The following ZYG11B variants were observed in gnomAD, a reference collection of about 807,000 sequenced individuals.
The protein encoded by ZYG11B is protein zyg-11 homolog B.
ZYG11B carries 36 observed loss-of-function variants against 82.4 expected under a neutral mutation model. The ratio of observed to expected loss-of-function variants is 0.44; its 90% CI spans 0.33 to 0.58. ZYG11B has a LOEUF of 0.58. ZYG11B is among the 20% of genes least tolerant of loss of function. ZYG11B has a pLI of 0.02. For missense variants in ZYG11B, 552 were observed against 895.6 expected (o/e 0.62, Z 4.90); for synonymous variants, 303 against 312.8 (o/e 0.97, Z 0.33).
intron 1 of ZYG11B, among the ~76,000 whole-genome samples, chr1:52,742,057 A>C (rs1390165074): frequency 6.6e-6 from 1 of 152,190 alleles, no homozygotes; most frequent in East Asian, 1.9e-4. Context: ...TTTAGAAAAA[A>C]GTCACCCAAA....
intron 3 of ZYG11B, chr1:52,772,619 G>T: frequency 8.8e-7 from 1 of 1,135,166 alleles, no homozygotes; most frequent in Non-Finnish European, 1.3e-6. Context: ...ACTGGGACAG[G>T]CCCTTCTCAG....
chr1:52,820,085 T>C (rs1009154128), intron 13 of ZYG11B, among the ~76,000 whole-genome samples: 8 of 151,054 alleles, frequency 5.3e-5, no homozygotes, highest in African/African-American at 1.7e-4. Flanking sequence ...GGCTAATTTT[T>C]TTGTATTTTT....
chr1:52,780,064 T>A lies in ZYG11B; in HGVS notation c.1092+71T>A, dbSNP rs79432415. ...GGGCAGATGATTTTTTGAAGAAAAT[T>A]GGTGAAAATTTGCATTTAGTCTTTT... On this transcript the variant is annotated intron_variant, in intron 4 of 13. Coordinates refer to ENST00000294353, the MANE Select transcript of ZYG11B (RefSeq NM_024646.3). The A allele has an allele frequency of 7.7e-5, 116 of 1,497,160 alleles. No individual in the cohort carries two copies. In the African/African-American group the frequency reaches 1.5e-3, roughly 20 times the overall value. The allele number at this position is 1,497,160 out of a possible 1,614,324, so 92.7% of individuals were successfully genotyped here. A position where few individuals can be genotyped will look rare whatever the true frequency, so the allele number is the denominator to read the frequency against.
intron 1 of ZYG11B, among the ~76,000 whole-genome samples, chr1:52,735,284 C>T (rs1363796267): frequency 6.6e-6 from 1 of 152,052 alleles, no homozygotes; most frequent in African/African-American, 2.4e-5. Flanking sequence ...CTGCCTCGGC[C>T]TCCCAGAGTG....
At chr1:52,730,416 C>A (rs1384942506) in intron 1 of ZYG11B, among the ~76,000 whole-genome samples, 1 of 151,848 alleles carries the variant, frequency 6.6e-6, no homozygotes, top group Non-Finnish European at 1.5e-5. Context: ...AGCCTCAAAC[C>A]CCTAGGCTCA....
At chr1:52,792,461 T>C (rs1016558663) in intron 6 of ZYG11B, among the ~76,000 whole-genome samples, 1 of 152,184 alleles carries the variant, frequency 6.6e-6, no homozygotes, top group Non-Finnish European at 1.5e-5. Flanking sequence ...TGTAAGCTTA[T>C]TCAGTCCTCA....
At chr1:52,753,768 G>T (rs1402285851) in intron 1 of ZYG11B, among the ~76,000 whole-genome samples, 1 of 151,700 alleles carries the variant, frequency 6.6e-6, no homozygotes, top group Non-Finnish European at 1.5e-5. Flanking sequence ...AGCTAATTTT[G>T]TATTTTTAGT....
At chr1:52,745,503 A>G (rs907231572) in intron 1 of ZYG11B, among the ~76,000 whole-genome samples, 3 of 152,160 alleles carry the variant, frequency 2.0e-5, no homozygotes, top group African/African-American at 7.2e-5. Flanking sequence ...TAGACACTGA[A>G]ACATTTACTC....
chr1:52,790,989 T>G (rs1223041465), intron 6 of ZYG11B, among the ~76,000 whole-genome samples: 1 of 151,878 alleles, frequency 6.6e-6, no homozygotes, highest in Non-Finnish European at 1.5e-5. Context: ...TTCTTTTTTT[T>G]GAGAAAGGGT....
intron 4 of ZYG11B, among the ~76,000 whole-genome samples, chr1:52,783,341 T>TA (rs1328547566): frequency 1.3e-5 from 2 of 152,088 alleles, no homozygotes; most frequent in Non-Finnish European, 2.9e-5. Context: ...ATAGGAAAAA[T>TA]ATATCTTGTT....
At chr1:52,742,570 C>T (rs1313230630) in intron 1 of ZYG11B, among the ~76,000 whole-genome samples, 2 of 152,094 alleles carry the variant, frequency 1.3e-5, no homozygotes, top group Admixed American at 6.5e-5. Flanking sequence ...AGGCCAGGCG[C>T]GGTGGCTCAC....
In ZYG11B at chr1:52,821,620, A is replaced by G. The variant is rs371881309; in HGVS notation, c.2226A>G (p.Arg742=). 1 of 1,609,800 alleles carries G rather than the reference A, an allele frequency of 6.2e-7. No homozygotes were observed. Among genetic ancestry groups the G allele is most frequent in the Non-Finnish European group, 8.5e-7 (1 of 1,178,606 alleles). The change falls in exon 14 of 14, where the codon AGA becomes AGG. Residue 742 remains arginine, a synonymous_variant. Coordinates refer to ENST00000294353, the MANE Select transcript of ZYG11B (RefSeq NM_024646.3). ...CCTGTAAAAAACAGCCCCAAGCCAGACTAAATTGATAGCCATAAGTATTGG... is the reference window on the plus strand; with the variant it reads ...CCTGTAAAAAACAGCCCCAAGCCAGGCTAAATTGATAGCCATAAGTATTGG... ...PPPCKKQPQA[R]LN
intron 4 of ZYG11B, among the ~76,000 whole-genome samples, chr1:52,783,997 T>TATATATATAGAG (rs543071878): frequency 7.0e-6 from 1 of 142,426 alleles, no homozygotes; most frequent in African/African-American, 2.7e-5. Flanking sequence ...TATATATATA[T>TATATATATAGAG]AGAGAGAGAG....
chr1:52,814,325 G>A (rs1645206834), intron 12 of ZYG11B, among the ~76,000 whole-genome samples: 2 of 152,136 alleles, frequency 1.3e-5, no homozygotes, highest in Admixed American at 1.3e-4. Flanking sequence ...CCAGCCAAAA[G>A]TATTGGCTTT....
intron 6 of ZYG11B, among the ~76,000 whole-genome samples, chr1:52,790,748 GTCT>G (rs1644950191): frequency 7.7e-6 from 1 of 129,618 alleles, no homozygotes; most frequent in African/African-American, 2.9e-5. Flanking sequence ...AAAGACATAG[GTCT>G]TCTAATTCTA....
chr1:52,817,777 G>GTA (rs869260265), intron 13 of ZYG11B, among the ~76,000 whole-genome samples: 647 of 41,392 alleles, frequency 0.016, 5 homozygotes, highest in Middle Eastern at 0.043. Context: ...ATATATATGT[G>GTA]TATATATATA....
chr1:52,796,941 ATAAT>A (rs1447060853), intron 8 of ZYG11B, among the ~76,000 whole-genome samples, 157 bp downstream of exon 8: 3 of 98,594 alleles, frequency 3.0e-5, no homozygotes, highest in Non-Finnish European at 5.5e-5. Context: ...TATATTATAT[ATAAT>A]GTATAATTAT....
At chr1:52,754,834 C>T (rs1040668432) in intron 1 of ZYG11B, among the ~76,000 whole-genome samples, 1 of 152,018 alleles carries the variant, frequency 6.6e-6, no homozygotes, top group East Asian at 1.9e-4. Flanking sequence ...AATCTTAGCT[C>T]TACTATTTAG....
chr1:52,752,376 C>T (rs944055889), intron 1 of ZYG11B, among the ~76,000 whole-genome samples: 2 of 152,338 alleles, frequency 1.3e-5, no homozygotes, highest in East Asian at 1.9e-4. Flanking sequence ...TACCCCACCC[C>T]TAGCACTTCA....
Sources: gnomAD v4.1 joint callset for allele counts (sites outside exome capture counted in the v4.1 genomes callset) on GRCh38, gnomAD v4.1.1 for gene constraint, MANE v1.5 for transcripts, NCBI Gene and HGNC (gene_info 2026-07-23, HGNC 2026-07-21) for gene names.